The following PALM2AKAP2 variants were observed in gnomAD, a reference collection of about 807,000 sequenced individuals.
PALM2AKAP2 encodes PALM2 and AKAP2 fusion, also known as PALM2-AKAP2 fusion protein.
A neutral mutation model predicts 71.5 loss-of-function variants in PALM2AKAP2; 37 were observed. That is an observed-to-expected ratio of 0.52 (90% CI 0.40 to 0.68). PALM2AKAP2 has a LOEUF of 0.68. Among genes scored for constraint, PALM2AKAP2 ranks in the 30% least tolerant of loss-of-function variants. The pLI is 0.00. For synonymous variants in PALM2AKAP2, 468 were observed against 478.8 expected, an observed-to-expected ratio of 0.98 and a Z score of 0.29; for missense variants, 1,224 against 1,191.8, an observed-to-expected ratio of 1.03 and a Z score of -0.40.
chr9:109,679,428 A>C (rs950416612), intron 1 of PALM2AKAP2, among the ~76,000 whole-genome samples: 7 of 152,172 alleles, frequency 4.6e-5, no homozygotes, highest in African/African-American at 1.7e-4. Flanking sequence ...ACCAGGTGGG[A>C]GTAAATTGCC....
At chr9:109,817,443 T>C (rs1827882569) in intron 1 of PALM2AKAP2, among the ~76,000 whole-genome samples, 1 of 152,196 alleles carries the variant, frequency 6.6e-6, no homozygotes, top group South Asian at 2.1e-4. Flanking sequence ...CCCCTATAAT[T>C]AGAGTTCAGA....
chr9:109,930,155 A>C (rs1831060481), intron 5 of PALM2AKAP2, among the ~76,000 whole-genome samples: 1 of 151,350 alleles, frequency 6.6e-6, no homozygotes. Flanking sequence ...CTTGAGCCTC[A>C]CTCCACCCTA....
chr9:109,848,609 A>G (rs140138064), intron 1 of PALM2AKAP2, among the ~76,000 whole-genome samples: 442 of 152,184 alleles, frequency 2.9e-3, no homozygotes, highest in African/African-American at 0.01. Flanking sequence ...GGCCGTGCCC[A>G]TTCATTTATG....
chr9:110,138,055 T>A (rs773798967), exon 2 of PALM2AKAP2: 1 of 1,598,930 alleles, frequency 6.3e-7, no homozygotes, highest in Non-Finnish European at 8.5e-7. Context: ...CTGAAGCGAC[T>A]GTAGAGGAAG....
chr9:109,806,742 T>C (rs1224271288), intron 1 of PALM2AKAP2, among the ~76,000 whole-genome samples: 1 of 152,066 alleles, frequency 6.6e-6, no homozygotes, highest in Admixed American at 6.6e-5. Flanking sequence ...AAGGAAAGCC[T>C]AGTGTGGCAG....
intron 5 of PALM2AKAP2, among the ~76,000 whole-genome samples, chr9:109,928,355 C>T (rs1012491121): frequency 3.3e-5 from 5 of 152,188 alleles, no homozygotes; most frequent in East Asian, 1.9e-4. Flanking sequence ...AATATTTCAG[C>T]GGGATTAGAA....
chr9:109,982,955 C>T (rs182360714), intron 6 of PALM2AKAP2, among the ~76,000 whole-genome samples: 1 of 152,152 alleles, frequency 6.6e-6, no homozygotes, highest in East Asian at 1.9e-4. Context: ...AAAGAGCCAG[C>T]CAGCTGTCTG....
chr9:109,768,033 G>GC (rs879384470), intron 1 of PALM2AKAP2, among the ~76,000 whole-genome samples: 1 of 114,404 alleles, frequency 8.7e-6, no homozygotes, highest in African/African-American at 4.2e-5. Context: ...AGGAAGGAAA[G>GC]AAAAAGAGGG....
At chr9:110,033,049 A>G (rs958019616) in intron 7 of PALM2AKAP2, among the ~76,000 whole-genome samples, 3 of 152,212 alleles carry the variant, frequency 2.0e-5, no homozygotes, top group African/African-American at 7.2e-5. Flanking sequence ...TCACTTTGAA[A>G]TTTTGGAGAC....
intron 1 of PALM2AKAP2, among the ~76,000 whole-genome samples, chr9:109,691,911 CATATATATATAT>C (rs1228934218): frequency 1.5e-4 from 9 of 60,118 alleles, no homozygotes; most frequent in African/African-American, 5.6e-4. Flanking sequence ...TACACACACA[CATATATATATAT>C]ACACATATAT....
chr9:109,747,214 A>T (rs1377889632), intron 1 of PALM2AKAP2, among the ~76,000 whole-genome samples: 1 of 152,198 alleles, frequency 6.6e-6, no homozygotes, highest in Non-Finnish European at 1.5e-5. Flanking sequence ...AGATGGATTC[A>T]CTAGGCTCAT....
intron 1 of PALM2AKAP2, among the ~76,000 whole-genome samples, chr9:109,703,667 A>G (rs1828097891): frequency 6.6e-6 from 1 of 152,090 alleles, no homozygotes; most frequent in African/African-American, 2.4e-5. Context: ...AAATAAACCC[A>G]TTCTCTAAAA....
rs139273808 is a variant in PALM2AKAP2, at chr9:109,879,017, G to A, written c.127-1534G>A. ...CTCCCAAAGTGTTGGGATTACAGGC[G>A]CGAGCCACCGTGCCCAGCCCAGTGT... On this transcript the variant is annotated intron_variant, in intron 2 of 9. Coordinates refer to the PALM2AKAP2 transcript ENST00000302798. Among the ~76,000 whole-genome samples, 412 of 152,274 alleles carry A rather than the reference G, an allele frequency of 2.7e-3. 3 individuals carry two copies. Among genetic ancestry groups the A allele is most frequent in the African/African-American group, 9.3e-3 (387 of 41,542 alleles).
intron 7 of PALM2AKAP2, among the ~76,000 whole-genome samples, chr9:110,029,681 A>G (rs1275954463): frequency 6.6e-6 from 1 of 152,194 alleles, no homozygotes; most frequent in Non-Finnish European, 1.5e-5. Context: ...TGCAAGTACC[A>G]AAGTCTATGA....
chr9:109,873,870 A>C (rs1013603719), intron 2 of PALM2AKAP2, among the ~76,000 whole-genome samples: 3 of 152,088 alleles, frequency 2.0e-5, no homozygotes, highest in Admixed American at 1.3e-4. Flanking sequence ...GGCTGGGCAC[A>C]GTGGTTCATG....
At chr9:109,640,844 C>T (rs939678281) in exon 1 of PALM2AKAP2, 3 of 1,517,350 alleles carry the variant, frequency 2.0e-6, no homozygotes, top group African/African-American at 2.8e-5. Flanking sequence ...GCAGCGCACC[C>T]GGCCGCGGAG....
At chr9:110,136,862 G>A in exon 2 of PALM2AKAP2, 2 of 1,614,204 alleles carry the variant, frequency 1.2e-6, no homozygotes, top group Non-Finnish European at 1.7e-6. Context: ...CATTAGAAAA[G>A]TGAGGCCTTC....
chr9:109,659,275 T>C (rs537330467), intron 1 of PALM2AKAP2, among the ~76,000 whole-genome samples: 1 of 152,326 alleles, frequency 6.6e-6, no homozygotes, highest in Admixed American at 6.5e-5. Context: ...TACTGTTCAA[T>C]GGCTTTTAGT....
intron 6 of PALM2AKAP2, among the ~76,000 whole-genome samples, chr9:109,990,855 A>G (rs1832467168): frequency 6.6e-6 from 1 of 152,132 alleles, no homozygotes; most frequent in Non-Finnish European, 1.5e-5. Context: ...TAATATTTTT[A>G]CTCTTGGAGA....
Sources: gnomAD v4.1 joint callset for allele counts (sites outside exome capture counted in the v4.1 genomes callset) on GRCh38, gnomAD v4.1.1 for gene constraint, MANE v1.5 for transcripts, NCBI Gene and HGNC (gene_info 2026-07-23, HGNC 2026-07-21) for gene names.